The following GSN variants were observed in gnomAD, a reference collection of about 807,000 sequenced individuals.
GSN encodes actin-depolymerizing factor.
Under a neutral mutation model 85.7 loss-of-function variants are expected in GSN, and 56 were observed. The ratio of observed to expected loss-of-function variants is 0.65; its 90% CI spans 0.53 to 0.82. GSN has a LOEUF of 0.82. Among genes scored for constraint, GSN ranks in the 40% least tolerant of loss-of-function variants. GSN has a pLI of 0.00. For synonymous variants in GSN, 373 were observed against 399.1 expected (o/e 0.93, Z 0.78); for missense variants, 857 against 979.8 (o/e 0.87, Z 1.67).
chr9:121,280,580 A>G (rs1269094923), intron 1 of GSN: 1 of 152,266 alleles, frequency 6.6e-6, no homozygotes, highest in Non-Finnish European at 1.5e-5. Flanking sequence ...CAAATCGCAC[A>G]TGTGCAGGAT....
chr9:121,286,017 C>A, intron 2 of GSN: 1 of 993,120 alleles, frequency 1.0e-6, no homozygotes, highest in Non-Finnish European at 1.5e-6. Flanking sequence ...ACTGTGTGTG[C>A]CTGTGATGCC....
At chr9:121,301,007 G>C (rs1180519877) in intron 2 of GSN, among the ~76,000 whole-genome samples, 2 of 152,178 alleles carry the variant, frequency 1.3e-5, no homozygotes, top group African/African-American at 4.8e-5. Context: ...CACTTCCAAA[G>C]AGCAAAAGCA....
chr9:121,263,442 A>G (rs1416819272), upstream of GSN, among the ~76,000 whole-genome samples: 1 of 152,212 alleles, frequency 6.6e-6, no homozygotes, highest in East Asian at 1.9e-4. Flanking sequence ...GAGACTGGGT[A>G]ATTTATGAAG....
At chr9:121,251,885 C>CG (rs939886340) in intron 6 of GSN, among the ~76,000 whole-genome samples, 3 of 152,150 alleles carry the variant, frequency 2.0e-5, no homozygotes, top group Non-Finnish European at 4.4e-5. Context: ...CACTTGAACC[C>CG]GGGAGGCAGA....
upstream of GSN, among the ~76,000 whole-genome samples, chr9:121,205,745 G>C (rs1389353769): frequency 6.6e-6 from 1 of 152,094 alleles, no homozygotes; most frequent in African/African-American, 2.4e-5. Flanking sequence ...CAGGTTGTTT[G>C]TCACCTGCTC....
At chr9:121,249,964 A>G (rs2054782749) in intron 6 of GSN, among the ~76,000 whole-genome samples, 1 of 152,230 alleles carries the variant, frequency 6.6e-6, no homozygotes, top group African/African-American at 2.4e-5. Flanking sequence ...GTCTATGCTC[A>G]GGGAGAAACA....
chr9:121,225,645 G>A (rs979931682), intron 4 of GSN, among the ~76,000 whole-genome samples: 1 of 152,174 alleles, frequency 6.6e-6, no homozygotes, highest in African/African-American at 2.4e-5. Flanking sequence ...TAGAATCCGG[G>A]CTCTGCAGCA....
rs1286444385 is a variant in GSN at position 121,318,690 on chromosome 9, A to C, written c.1001A>C (p.Glu334Ala). ...GTCTCGGTCCTTCCTGAGGGCGGTG[A>C]GACCCCACTGTTCAAGCAGTTCTTC... ...TQVSVLPEGG[E>A]TPLFKQFFKN... Residue 334 changes from glutamate to alanine, a missense_variant, in exon 10 of 18, where the codon GAG becomes GCG. Physicochemically the swap from Glu to Ala is moderately radical, Grantham distance 107. Coordinates refer to ENST00000432226, the MANE Select transcript of GSN (RefSeq NM_198252.3). The surrounding 1 kb of genome is among the most constrained non-coding windows in gnomAD (Gnocchi z 4.3). The C allele has an allele frequency of 6.2e-7, 1 of 1,613,688 alleles. No individual in the cohort carries two copies. Among genetic ancestry groups the C allele is most frequent in the Admixed American group, 1.7e-5 (1 of 60,028 alleles).
chr9:121,321,380 AG>A lies in GSN; in HGVS notation c.1308del (p.Gln437ArgfsTer2). 1 of 1,614,126 alleles carries A rather than the reference AG, an allele frequency of 6.2e-7. No individual in the cohort carries two copies. On this transcript the variant is annotated frameshift_variant, in exon 11 of 18. Coordinates refer to ENST00000432226, the MANE Select transcript of GSN (RefSeq NM_198252.3). LOFTEE classifies it high-confidence loss of function. Reference protein sequence around the residue: ...ILYNYRHGGRQGQIIYNWQGA... With the variant: ...ILYNYRHGGRXGQIIYNWQGA... ...TACAACTACCGCCATGGTGGCCGCC[AG>A]GGGCAGATAATCTATAACTGGTGAG...
chr9:121,228,403 C>CACATATATATATATATATATAT (rs1475020604), intron 4 of GSN, among the ~76,000 whole-genome samples: 7 of 63,196 alleles, frequency 1.1e-4, no homozygotes, highest in Admixed American at 3.4e-4. Flanking sequence ...CATTGATTAA[C>CACATATATATATATATATATAT]ATATATATAT....
At chr9:121,323,766 C>T (rs1346404611) in intron 11 of GSN, among the ~76,000 whole-genome samples, 1 of 152,230 alleles carries the variant, frequency 6.6e-6, no homozygotes, top group South Asian at 2.1e-4. Flanking sequence ...ATGGCAGTTG[C>T]CCGGTCTTTC....
chr9:121,208,890 C>T (rs78886112), intron 1 of GSN, among the ~76,000 whole-genome samples: 17,572 of 152,242 alleles, frequency 0.12, 1,183 homozygotes, highest in East Asian at 0.17. Flanking sequence ...GATGTTAAAC[C>T]CTGAGGCCAC....
intron 6 of GSN, among the ~76,000 whole-genome samples, chr9:121,252,801 G>GC (rs1564359441): frequency 6.6e-6 from 1 of 152,338 alleles, no homozygotes; most frequent in African/African-American, 2.4e-5. Flanking sequence ...TTTCGGGGGG[G>GC]CAATTTGTTA....
intron 2 of GSN, among the ~76,000 whole-genome samples, chr9:121,294,352 C>T (rs1218582565): frequency 1.3e-5 from 2 of 152,308 alleles, no homozygotes; most frequent in East Asian, 3.9e-4. Context: ...TACTGACCCA[C>T]CACACCTCTC....
intron 4 of GSN, chr9:121,309,444 AGCCATC>A (rs2060820593): frequency 6.6e-6 from 1 of 152,176 alleles, no homozygotes; most frequent in East Asian, 1.9e-4. Flanking sequence ...ACTTACCCAA[AGCCATC>A]CAGCATTGTT....
At position 121,329,133 on chromosome 9, in the gene GSN, C is replaced by T. The variant is rs1450925478; in HGVS notation, c.1888-105C>T. 1.3e-6 allele frequency: 2 copies of T among 1,512,098 alleles called. No homozygotes were observed. The highest frequency in any genetic ancestry group is 1.8e-6 in the Non-Finnish European group (2 of 1,094,526). 93.7% of individuals were successfully genotyped at this position (1,512,098 alleles called of 1,614,324 possible). On this transcript the variant is annotated intron_variant, in intron 15 of 17. Coordinates refer to ENST00000432226, the MANE Select transcript of GSN (RefSeq NM_198252.3). The surrounding 1 kb of genome is among the most constrained non-coding windows in gnomAD (Gnocchi z 4.6). Reference sequence around the variant, plus strand: ...ATGGTGTGGCACAGAGGAAGGGGCCCCCTGCCAGCTGCAGCCAGCTGTGCC... The same window carrying T: ...ATGGTGTGGCACAGAGGAAGGGGCCTCCTGCCAGCTGCAGCCAGCTGTGCC...
At chr9:121,274,590 CT>C (rs1252964884) in intron 1 of GSN, among the ~76,000 whole-genome samples, 2 of 152,202 alleles carry the variant, frequency 1.3e-5, no homozygotes, top group Non-Finnish European at 2.9e-5. Flanking sequence ...ATAGGGACCA[CT>C]GCAACAGGGT....
At chr9:121,275,186 T>G (rs1403604425) in intron 1 of GSN, among the ~76,000 whole-genome samples, 1 of 152,198 alleles carries the variant, frequency 6.6e-6, no homozygotes, top group East Asian at 1.9e-4. Flanking sequence ...TCAGCAGCAA[T>G]AAAGCATAAC....
intron 4 of GSN, chr9:121,309,181 A>G (rs2060784915): frequency 6.6e-6 from 1 of 152,226 alleles, no homozygotes; most frequent in Non-Finnish European, 1.5e-5. Context: ...ACCGTGGGTA[A>G]AGTGGGGTGA....
Sources: gnomAD v4.1 joint callset for allele counts (sites outside exome capture counted in the v4.1 genomes callset) on GRCh38, gnomAD v4.1.1 for gene constraint, Gnocchi (gnomAD v3.1) non-coding constraint, MANE v1.5 for transcripts, NCBI Gene and HGNC (gene_info 2026-07-23, HGNC 2026-07-21) for gene names.